MYPOP: variants seen among roughly 807,000 people sequenced by gnomAD.
MYPOP encodes the protein Myb related transcription factor, partner of profilin.
A neutral mutation model predicts 25.7 loss-of-function variants in MYPOP; 21 were observed. That is an observed-to-expected ratio of 0.82 (90% confidence interval 0.58 to 1.18). MYPOP has a LOEUF of 1.18. Among genes scored for constraint, MYPOP ranks in the 50% most tolerant of loss-of-function variants. MYPOP has a pLI of 0.00. For missense variants in MYPOP, 566 were observed against 588.3 expected (o/e 0.96, Z 0.39); for synonymous variants, 280 against 247.9 (o/e 1.13, Z -1.22).
At position 45,890,465 on chromosome 19, in the gene MYPOP, C is replaced by A; in HGVS notation, c.*158G>T. The A allele has an allele frequency of 3.2e-6, 4 of 1,263,516 alleles. No individual in the cohort carries two copies. The highest frequency in any genetic ancestry group is 4.2e-6 in the Non-Finnish European group (4 of 950,374). The allele number at this position is 1,263,516 out of a possible 1,614,324, so 78.3% of individuals were successfully genotyped here. On this transcript the variant is annotated 3_prime_UTR_variant, in exon 3 of 3. Transcript: ENST00000322217. ...GTTGGGGGGGCCCATTACTGAGGCC[C>A]CCCCCAGAGAATCAGGCACTAACTA...
Position 45,901,248 on chromosome 19 carries a change from C to T in MYPOP, c.499+27G>A. On this transcript the variant is annotated intron_variant, in intron 2 of 2. Transcript: ENST00000322217. This position sits in a 1 kb window ranked among gnomAD's most constrained non-coding sequence, Gnocchi z 5.7. ...TGTAAAAGGCTTGCAACAGCGCAGG[C>T]ACACAGCCTACTCTGAAGACACTCA... The T allele has an allele frequency of 7.0e-7, 1 of 1,425,680 alleles. No individual in the cohort carries two copies. The highest frequency in any genetic ancestry group is 1.5e-5 in the South Asian group (1 of 64,614). The allele number at this position is 1,425,680 out of a possible 1,614,324, so 88.3% of individuals were successfully genotyped here. A position where few individuals can be genotyped will look rare whatever the true frequency, so the allele number is the denominator to read the frequency against.
intron 2 of MYPOP, among the ~76,000 whole-genome samples, chr19:45,897,513 G>A (rs562839065): frequency 6.6e-6 from 1 of 152,270 alleles, no homozygotes; most frequent in Admixed American, 6.5e-5. Context: ...CAGCCTTCAT[G>A]CCCACAAGGC....
rs2146373642 is a variant in MYPOP, at chr19:45,890,766, T to C, written c.1057A>G (p.Arg353Gly). 1 of 1,534,530 alleles carries C rather than the reference T, an allele frequency of 6.5e-7. No individual in the cohort carries two copies. The highest frequency in any genetic ancestry group is 8.8e-7 in the Non-Finnish European group (1 of 1,139,102). Residue 353 changes from arginine (R) to glycine (G), a missense_variant, in exon 3 of 3, where the codon AGG becomes GGG. Transcript: ENST00000322217. Reference sequence around the variant, plus strand: ...CTCCTTGGGGCAATGATCACTCCCCTGGCTGCCACCACTGCCCCGTCCACC... The same window carrying C: ...CTCCTTGGGGCAATGATCACTCCCCCGGCTGCCACCACTGCCCCGTCCACC... ...AVVDGAVVAA[R>G]GVIIAPRSEE...
Position 45,901,586 on chromosome 19 carries a change from A to G in MYPOP, c.188T>C (p.Ile63Thr). Residue 63 changes from isoleucine (I) to threonine (T), a missense_variant, in exon 2 of 3, where the codon ATC (isoleucine) becomes ACC (threonine). Ile to Thr is a moderately conservative substitution (Grantham distance 89, BLOSUM62 -1). Transcript: ENST00000322217. This position sits in a 1 kb window ranked among gnomAD's most constrained non-coding sequence, Gnocchi z 5.7. Reference protein sequence around the residue: ...RRVWDGIAAKINGITSWKRTG... With the variant: ...RRVWDGIAAKTNGITSWKRTG... ...GCGCTTCCAGCTGGTGATACCGTTGATCTTGGCGGCGATGCCGTCCCACAC... is the reference window on the plus strand; with the variant it reads ...GCGCTTCCAGCTGGTGATACCGTTGGTCTTGGCGGCGATGCCGTCCCACAC... 1.2e-6 allele frequency: 2 copies of G among 1,611,724 alleles called. No individual in the cohort carries two copies. The highest frequency in any genetic ancestry group is 1.7e-6 in the Non-Finnish European group (2 of 1,179,522).
rs1247767677 is a variant in MYPOP, at chr19:45,901,754, C to CCCG, written c.17_19dup (p.Ala6dup). 2 of 1,484,520 alleles carry CCCG rather than the reference C, an allele frequency of 1.3e-6. No homozygotes were observed. Among genetic ancestry groups the CCCG allele is most frequent in the Non-Finnish European group, 8.9e-7 (1 of 1,119,608 alleles). 92.0% of individuals were successfully genotyped at this position (1,484,520 alleles called of 1,614,324 possible). A position where few individuals can be genotyped will look rare whatever the true frequency, so the allele number is the denominator to read the frequency against. On this transcript the variant is annotated inframe_insertion, in exon 2 of 3. Transcript: ENST00000322217. This position sits in a 1 kb window ranked among gnomAD's most constrained non-coding sequence, Gnocchi z 5.7. ...CAACCGGGTGGTTTCCTCCGCTTCG[C>CCCG]CCGCCGCCGCCGAGGCCATGGCGCC... is the stretch of plus-strand genomic sequence containing the variant.
chr19:45,901,034 CTGA>C lies in MYPOP; in HGVS notation c.499+238_499+240del, dbSNP rs1967280879. ...TGCATTTAATGAAATCCTGCCTGTG[CTGA>C]TGACCCCAGGTGTGGACCTGAGTCA... On this transcript the variant is annotated intron_variant, in intron 2 of 2. Coordinates refer to ENST00000322217, the MANE Select transcript of MYPOP (RefSeq NM_001012643.4). The surrounding 1 kb of genome is among the most constrained non-coding windows in gnomAD (Gnocchi z 5.7). Among the ~76,000 whole-genome samples, 1 of 152,202 alleles carries C rather than the reference CTGA, an allele frequency of 6.6e-6. No individual in the cohort carries two copies. Among genetic ancestry groups the C allele is most frequent in the Non-Finnish European group, 1.5e-5 (1 of 68,038 alleles).
intron 2 of MYPOP, among the ~76,000 whole-genome samples, chr19:45,891,847 A>G (rs983823250): frequency 1.3e-5 from 2 of 152,164 alleles, no homozygotes; most frequent in African/African-American, 4.8e-5. Context: ...CTTTAGTGGA[A>G]ACAGGTCCTG....
In MYPOP at chr19:45,901,480, C is replaced by A. The variant is rs938125179; in HGVS notation, c.294G>T (p.Thr98=). ...KEKLARVPHS[T]QGAGPAAEDA... ...CCTCCGCGGCGGGCCCGGCGCCCTG[C>A]GTGGAGTGCGGCACGCGAGCGAGCT... Residue 98 remains threonine, a synonymous_variant, in exon 2 of 3, where the codon ACG becomes ACT. Coordinates refer to ENST00000322217, the MANE Select transcript of MYPOP (RefSeq NM_001012643.4). This position sits in a 1 kb window ranked among gnomAD's most constrained non-coding sequence, Gnocchi z 5.7. The A allele has an allele frequency of 1.2e-6, 2 of 1,606,182 alleles. No individual in the cohort carries two copies. Among genetic ancestry groups the A allele is most frequent in the Admixed American group, 1.7e-5 (1 of 59,476 alleles).
chr19:45,896,375 G>C (rs1264966444), intron 2 of MYPOP, among the ~76,000 whole-genome samples: 1 of 152,190 alleles, frequency 6.6e-6, no homozygotes, highest in Non-Finnish European at 1.5e-5. Flanking sequence ...ACCAGCAGGA[G>C]GTAGGGAGGC....
At chr19:45,895,698 A>G (rs1401739332) in intron 2 of MYPOP, among the ~76,000 whole-genome samples, 2 of 152,150 alleles carry the variant, frequency 1.3e-5, no homozygotes, top group Non-Finnish European at 1.5e-5. Context: ...CCAGAGACTC[A>G]GCGCTGATTG....
At chr19:45,900,280 A>G (rs1430863724) in intron 2 of MYPOP, among the ~76,000 whole-genome samples, 4 of 152,122 alleles carry the variant, frequency 2.6e-5, no homozygotes, top group Admixed American at 2.0e-4. Context: ...TTTCCACTCT[A>G]CACTCTTTTC....
Position 45,895,238 on chromosome 19 carries a change from T to C in MYPOP, c.500-3915A>G, listed in dbSNP as rs945840418. Among the ~76,000 whole-genome samples, 14 of 151,840 alleles carry C rather than the reference T, an allele frequency of 9.2e-5. 1 individual carries two copies. The highest frequency in any genetic ancestry group is 6.8e-3 in the Middle Eastern group (2 of 294). On this transcript the variant is annotated intron_variant, in intron 2 of 2. Transcript: ENST00000322217. Reference sequence around the variant, plus strand: ...GCCTCCTTGCTGATCCTCAAACACATCAGGCCTACTTCTTTTCTTTTTTTT... The same window carrying C: ...GCCTCCTTGCTGATCCTCAAACACACCAGGCCTACTTCTTTTCTTTTTTTT...
At chr19:45,899,174 C>T (rs1430090512) in intron 2 of MYPOP, among the ~76,000 whole-genome samples, 3 of 152,094 alleles carry the variant, frequency 2.0e-5, no homozygotes, top group African/African-American at 4.8e-5. Context: ...TGCGGTGAGC[C>T]GAGATTGCGC....
At chr19:45,891,411 CT>C in intron 2 of MYPOP, 88 bp from the exon 3 acceptor site, 10 of 1,380,772 alleles carry the variant, frequency 7.2e-6, no homozygotes, top group East Asian at 2.7e-5. Context: ...CACCTCCCCC[CT>C]ACCCGAACCC....
Position 45,890,425 on chromosome 19 carries a change from G to A in MYPOP, c.*198C>T, listed in dbSNP as rs1173531773. Reference sequence around the variant, plus strand: ...GGGAGGCAGCCAGGCAGACAGCACTGTACCAGAGAAAGGGGTTGGGGGGGC... The same window carrying A: ...GGGAGGCAGCCAGGCAGACAGCACTATACCAGAGAAAGGGGTTGGGGGGGC... On this transcript the variant is annotated 3_prime_UTR_variant, in exon 3 of 3. Coordinates refer to ENST00000322217, the MANE Select transcript of MYPOP (RefSeq NM_001012643.4). The A allele has an allele frequency of 3.9e-6, 3 of 770,910 alleles. No homozygotes were observed. Among genetic ancestry groups the A allele is most frequent in the African/African-American group, 1.8e-5 (1 of 55,364 alleles). The allele number at this position is 770,910 out of a possible 1,614,324, so 47.8% of individuals were successfully genotyped here.
chr19:45,900,612 G>A (rs1490673409), intron 2 of MYPOP, among the ~76,000 whole-genome samples: 4 of 152,072 alleles, frequency 2.6e-5, no homozygotes, highest in Admixed American at 1.3e-4. Context: ...TGGGGCAGGT[G>A]CTCAGGGAAC....
chr19:45,901,313 T>A lies in MYPOP; in HGVS notation c.461A>T (p.Tyr154Phe), dbSNP rs766066711. ...PPPPSACPQR[Y>F]VLSEDRREDR... Reference sequence around the variant, plus strand: ...CTCCCGGCGGTCTTCCGACAACACGTAGCGCTGAGGGCAGGCGCTTGGGGG... The same window carrying A: ...CTCCCGGCGGTCTTCCGACAACACGAAGCGCTGAGGGCAGGCGCTTGGGGG... The change falls in exon 2 of 3, where the codon TAC becomes TTC. Residue 154 changes from tyrosine to phenylalanine, a missense_variant. Coordinates refer to ENST00000322217, the MANE Select transcript of MYPOP (RefSeq NM_001012643.4). The surrounding 1 kb of genome is among the most constrained non-coding windows in gnomAD (Gnocchi z 5.7). The A allele has an allele frequency of 6.8e-7, 1 of 1,459,980 alleles. No individual in the cohort carries two copies. 90.4% of individuals were successfully genotyped at this position (1,459,980 alleles called of 1,614,324 possible).
chr19:45,901,651 G>T lies in MYPOP; in HGVS notation c.123C>A (p.Gly41=). The T allele has an allele frequency of 6.2e-7, 1 of 1,610,238 alleles. No homozygotes were observed. Among genetic ancestry groups the T allele is most frequent in the Non-Finnish European group, 8.5e-7 (1 of 1,179,170 alleles). ...CCACGCTCACCCGACGGCTCTGCGC[G>T]CCGTAGAGCTGCGGGTAGTGGGCGC... The part of the protein sequence containing the change: ...EVRAHYPQLY[G]AQSRRVSVAE... The change falls in exon 2 of 3, where the codon GGC becomes GGA. Residue 41 remains glycine (G), a synonymous_variant. Coordinates refer to ENST00000322217, the MANE Select transcript of MYPOP (RefSeq NM_001012643.4). The surrounding 1 kb of genome is among the most constrained non-coding windows in gnomAD (Gnocchi z 5.7).
At chr19:45,892,804 C>T (rs1358780515) in intron 2 of MYPOP, among the ~76,000 whole-genome samples, 1 of 152,228 alleles carries the variant, frequency 6.6e-6, no homozygotes, top group Non-Finnish European at 1.5e-5. Flanking sequence ...CCCACCAGGA[C>T]CACTGCAGTC....
Sources: gnomAD v4.1 joint callset for allele counts (sites outside exome capture counted in the v4.1 genomes callset) on GRCh38, gnomAD v4.1.1 for gene constraint, Gnocchi (gnomAD v3.1) non-coding constraint, MANE v1.5 for transcripts, NCBI Gene and HGNC (gene_info 2026-07-23, HGNC 2026-07-21) for gene names.